DISC1: variants seen among roughly 807,000 people sequenced by gnomAD.
DISC1 encodes the protein disrupted in schizophrenia 1 protein.
In DISC1, 57 loss-of-function variants were observed where a neutral mutation model predicts 84.5. That is an observed-to-expected ratio of 0.67 (90% CI 0.55 to 0.84). The LOEUF (loss-of-function observed/expected upper bound fraction) is 0.84. Among genes scored for constraint, DISC1 ranks in the 40% least tolerant of loss-of-function variants. DISC1 has a pLI of 0.00. For synonymous variants in DISC1, 411 were observed against 415.2 expected (o/e 0.99, Z 0.12); for missense variants, 1,000 against 1,057.8 (o/e 0.95, Z 0.76).
At chr1:231,940,423 C>T (rs563407800) in intron 9 of DISC1, among the ~76,000 whole-genome samples, 9 of 152,254 alleles carry the variant, frequency 5.9e-5, no homozygotes, top group South Asian at 4.1e-4. Flanking sequence ...GATTTGCAGG[C>T]GCAATTATAT....
In DISC1 at chr1:231,805,986, T is replaced by C. The variant is rs55932053; in HGVS notation, c.1792+5776T>C. On this transcript the variant is annotated intron_variant, in intron 8 of 12. Transcript: ENST00000439617. ...TTATCATGACTTGGCTGGATGATCT[T>C]GGGCAAGTTGTTTAACCTTTTCAGG... 7.7e-3 allele frequency among the ~76,000 whole-genome samples: 1,173 copies of C among 152,326 alleles called. 12 individuals carry two copies. Among genetic ancestry groups the C allele is most frequent in the African/African-American group, 0.027 (1,115 of 41,564 alleles).
intron 9 of DISC1, among the ~76,000 whole-genome samples, chr1:231,844,855 A>G (rs1251700109): frequency 6.7e-6 from 1 of 148,736 alleles, no homozygotes; most frequent in Admixed American, 6.8e-5. Flanking sequence ...TGAACCTGGG[A>G]GGCGGAGCTT....
chr1:231,991,257 C>T (rs201273059), intron 10 of DISC1, among the ~76,000 whole-genome samples: 3 of 152,246 alleles, frequency 2.0e-5, no homozygotes, highest in East Asian at 1.9e-4. Context: ...GAGCCCTCTT[C>T]GGGAAGCCGT....
intron 9 of DISC1, among the ~76,000 whole-genome samples, chr1:231,929,103 G>T (rs1202112934): frequency 6.6e-6 from 1 of 152,090 alleles, no homozygotes; most frequent in Non-Finnish European, 1.5e-5. Context: ...TTGAAGTCCT[G>T]AATATCCTTG....
intron 1 of DISC1, among the ~76,000 whole-genome samples, chr1:231,636,927 T>C (rs1396875955): frequency 6.6e-6 from 1 of 152,156 alleles, no homozygotes; most frequent in African/African-American, 2.4e-5. Flanking sequence ...ATGCATTAGG[T>C]ATTTGTCCTG....
intron 10 of DISC1, among the ~76,000 whole-genome samples, chr1:231,990,891 C>A (rs1224769245): frequency 6.6e-6 from 1 of 152,202 alleles, no homozygotes; most frequent in Admixed American, 6.5e-5. Flanking sequence ...GTAACATCAT[C>A]CCCTTCTTTG....
At chr1:231,745,948 C>A (rs1471154536) in intron 3 of DISC1, among the ~76,000 whole-genome samples, 1 of 152,094 alleles carries the variant, frequency 6.6e-6, no homozygotes, top group Non-Finnish European at 1.5e-5. Flanking sequence ...GTTAAAAGAG[C>A]CTGGCATTTC....
chr1:231,638,675 G>GT (rs1289221268), intron 1 of DISC1, among the ~76,000 whole-genome samples: 3 of 151,922 alleles, frequency 2.0e-5, no homozygotes, highest in Non-Finnish European at 4.4e-5. Context: ...TTATTTCTGG[G>GT]TTTTTTATTC....
chr1:231,744,683 A>G (rs2073763722), intron 3 of DISC1, among the ~76,000 whole-genome samples: 1 of 152,190 alleles, frequency 6.6e-6, no homozygotes, highest in African/African-American at 2.4e-5. Flanking sequence ...TCATTTTTCC[A>G]TGACCTATTC....
chr1:231,755,426 C>T (rs762432450), intron 4 of DISC1, among the ~76,000 whole-genome samples: 1 of 152,024 alleles, frequency 6.6e-6, no homozygotes, highest in Non-Finnish European at 1.5e-5. Flanking sequence ...TCAGTGGTCT[C>T]AAATGCTCTG....
rs201757626 is a variant in DISC1, at chr1:231,887,802, T to G, written c.1981+69285T>G. ...GGAAAATAAAGCAAGGATTGACAAC[T>G]ACTATTTGCTTCATTCTAATTTTAG... On this transcript the variant is annotated intron_variant, in intron 9 of 12. Transcript: ENST00000439617. Among the ~76,000 whole-genome samples, 93 of 152,384 alleles carry G rather than the reference T, an allele frequency of 6.1e-4. 1 individual carries two copies. The South Asian group carries it at 8.3e-3, about 14-fold the overall frequency.
intron 3 of DISC1, among the ~76,000 whole-genome samples, chr1:231,742,723 C>T (rs1321746154): frequency 6.6e-6 from 1 of 151,974 alleles, no homozygotes; most frequent in South Asian, 2.1e-4. Context: ...GCCTGGGCAA[C>T]ATAACAGGGC....
chr1:231,890,544 G>A (rs1264714797), intron 9 of DISC1, among the ~76,000 whole-genome samples: 1 of 152,184 alleles, frequency 6.6e-6, no homozygotes, highest in African/African-American at 2.4e-5. Flanking sequence ...ACAGAAAGTA[G>A]AATGCTTATT....
At chr1:231,977,938 A>G (rs978956401) in intron 10 of DISC1, among the ~76,000 whole-genome samples, 5 of 152,188 alleles carry the variant, frequency 3.3e-5, no homozygotes, top group African/African-American at 1.2e-4. Flanking sequence ...TCAAATTGAG[A>G]AATGTTTCTT....
At chr1:231,633,567 C>A (rs1050273522) in intron 1 of DISC1, among the ~76,000 whole-genome samples, 5 of 152,178 alleles carry the variant, frequency 3.3e-5, no homozygotes, top group Admixed American at 3.3e-4. Context: ...CAGGTGGTTC[C>A]ATTTCAGGAA....
At chr1:231,707,293 A>G (rs2067208225) in intron 3 of DISC1, among the ~76,000 whole-genome samples, 1 of 152,212 alleles carries the variant, frequency 6.6e-6, no homozygotes, top group South Asian at 2.1e-4. Context: ...CACAGAAAAA[A>G]AGCAAACATG....
At chr1:231,721,540 G>A (rs576033545) in intron 3 of DISC1, among the ~76,000 whole-genome samples, 172 of 152,252 alleles carry the variant, frequency 1.1e-3, no homozygotes, top group African/African-American at 4.0e-3. Flanking sequence ...ACAATGAAAT[G>A]TTCATTTATA....
At chr1:231,980,619 A>ATG (rs1314207481) in intron 10 of DISC1, among the ~76,000 whole-genome samples, 1 of 152,212 alleles carries the variant, frequency 6.6e-6, no homozygotes, top group African/African-American at 2.4e-5. Flanking sequence ...ATAGTAATTG[A>ATG]TGTTCCAGTA....
chr1:231,651,335 G>C (rs1233572677), intron 1 of DISC1, among the ~76,000 whole-genome samples: 14 of 152,172 alleles, frequency 9.2e-5, no homozygotes, highest in Non-Finnish European at 1.5e-5. Flanking sequence ...TCAGCTGCAG[G>C]TCTGTTGGAG....
Sources: allele counts gnomAD v4.1 joint callset (sites outside exome capture counted in the v4.1 genomes callset), GRCh38; gene constraint gnomAD v4.1.1; transcripts MANE v1.5; gene names NCBI Gene and HGNC (gene_info 2026-07-23, HGNC 2026-07-21).